The following TOGARAM1 variants were observed in gnomAD, a reference collection of about 807,000 sequenced individuals.
TOGARAM1 encodes TOG array regulator of axonemal microtubules protein 1.
In TOGARAM1, 100 loss-of-function variants were observed where a neutral mutation model predicts 166.6. The observed-to-expected ratio is 0.60, with a 90% CI of 0.51 to 0.71. The LOEUF (loss-of-function observed/expected upper bound fraction) is 0.71. TOGARAM1 is among the 30% of genes least tolerant of loss of function. The pLI is 0.00. For missense variants in TOGARAM1, 2,029 were observed against 2,102.7 expected (o/e 0.96, Z 0.69); for synonymous variants, 758 against 763.8 (o/e 0.99, Z 0.13).
chr14:45,062,679 A>T (rs564047224), intron 16 of TOGARAM1, among the ~76,000 whole-genome samples: 9 of 152,216 alleles, frequency 5.9e-5, no homozygotes, highest in African/African-American at 1.9e-4. Flanking sequence ...CACTTTCAGT[A>T]TAATATTCAA....
At chr14:44,983,558 G>C (rs546850665) in intron 1 of TOGARAM1, among the ~76,000 whole-genome samples, 1 of 152,200 alleles carries the variant, frequency 6.6e-6, no homozygotes, top group South Asian at 2.1e-4. Flanking sequence ...TGAGAACAAG[G>C]CTTCCAGATT....
intron 1 of TOGARAM1, among the ~76,000 whole-genome samples, chr14:44,977,383 C>G (rs1221535109): frequency 6.6e-6 from 1 of 150,402 alleles, no homozygotes; most frequent in African/African-American, 2.4e-5. Flanking sequence ...TACAGGCACC[C>G]GCCACCATGC....
At chr14:45,002,964 G>A (rs557663885) in intron 3 of TOGARAM1, among the ~76,000 whole-genome samples, 1 of 152,176 alleles carries the variant, frequency 6.6e-6, no homozygotes, top group South Asian at 2.1e-4. Context: ...GGGCGACAGA[G>A]CGAGACTCCA....
Position 45,068,475 on chromosome 14 carries a change from C to T in TOGARAM1, c.4801C>T (p.Leu1601=). 6.2e-7 allele frequency: 1 copy of T among 1,612,732 alleles called. No individual in the cohort carries two copies. Among genetic ancestry groups the T allele is most frequent in the Non-Finnish European group, 8.5e-7 (1 of 1,179,330 alleles). Residue 1601 remains leucine, a synonymous_variant, in exon 18 of 20, where the codon CTG becomes TTG. Coordinates refer to ENST00000361462, the MANE Select transcript of TOGARAM1 (RefSeq NM_001308120.2). ...RLHDSNSKVN[L]VALETMHKMI... ...TCATGATTCTAATAGTAAAGTAAAT[C>T]TGGTGGCTCTGGAAACAATGCACAA...
At chr14:45,025,687 T>G in intron 7 of TOGARAM1, 96 bp from the exon 8 acceptor site, 1 of 639,162 alleles carries the variant, frequency 1.6e-6, no homozygotes, top group Non-Finnish European at 2.7e-6. Context: ...ATGAAATAAA[T>G]TTTCAGTTTT....
intron 11 of TOGARAM1, among the ~76,000 whole-genome samples, chr14:45,033,528 C>G (rs1400049704): frequency 6.6e-6 from 1 of 152,172 alleles, no homozygotes; most frequent in Non-Finnish European, 1.5e-5. Flanking sequence ...AAACTTTACT[C>G]ATTAAAAAAA....
intron 1 of TOGARAM1, among the ~76,000 whole-genome samples, chr14:44,983,924 G>A (rs986414339): frequency 6.6e-6 from 1 of 152,302 alleles, no homozygotes; most frequent in African/African-American, 2.4e-5. Flanking sequence ...TTGGCAACAG[G>A]ATATTTTACA....
chr14:45,014,777 C>T (rs528730197), intron 7 of TOGARAM1, among the ~76,000 whole-genome samples: 25 of 152,268 alleles, frequency 1.6e-4, no homozygotes, highest in African/African-American at 5.8e-4. Flanking sequence ...AACATTTCCA[C>T]CCAAAGCCAG....
At chr14:45,045,081 TCCCTCGGGC>T (rs1254166335) in intron 13 of TOGARAM1, among the ~76,000 whole-genome samples, 3 of 152,198 alleles carry the variant, frequency 2.0e-5, no homozygotes, top group African/African-American at 7.2e-5. Context: ...ACTTCTTTTG[TCCCTCGGGC>T]ACCTTGCAAA....
intron 1 of TOGARAM1, among the ~76,000 whole-genome samples, chr14:44,966,669 G>A (rs1885558661): frequency 6.6e-6 from 1 of 151,836 alleles, no homozygotes; most frequent in Non-Finnish European, 1.5e-5. Context: ...GCTGGCTCCT[G>A]TGTCCTTTTA....
At chr14:44,965,427 G>C (rs1008666416) in intron 1 of TOGARAM1, among the ~76,000 whole-genome samples, 10 of 152,014 alleles carry the variant, frequency 6.6e-5, no homozygotes, top group Non-Finnish European at 1.3e-4. Context: ...TATCCTACTT[G>C]TTTGTTTCTT....
chr14:45,067,687 G>T (rs1466656297), intron 17 of TOGARAM1, among the ~76,000 whole-genome samples: 1 of 152,066 alleles, frequency 6.6e-6, no homozygotes, highest in Non-Finnish European at 1.5e-5. Context: ...ATGGGAGCCA[G>T]AAAGTTATAT....
intron 14 of TOGARAM1, among the ~76,000 whole-genome samples, chr14:45,047,391 CAAA>C (rs534465853): frequency 2.3e-5 from 2 of 85,638 alleles, no homozygotes; most frequent in African/African-American, 4.3e-5. Flanking sequence ...GACTCTGTCT[CAAA>C]AAAAAAAAAA....
intron 16 of TOGARAM1, among the ~76,000 whole-genome samples, chr14:45,062,480 G>A (rs1398287229): frequency 3.3e-5 from 5 of 151,942 alleles, no homozygotes; most frequent in South Asian, 4.1e-4. Context: ...ACAGTGTTAC[G>A]GAGACGTAAT....
Position 44,962,987 on chromosome 14 carries a change from G to T in TOGARAM1, c.566G>T (p.Arg189Leu), listed in dbSNP as rs1442031740. 6.2e-7 allele frequency: 1 copy of T among 1,614,146 alleles called. No homozygotes were observed. Among genetic ancestry groups the T allele is most frequent in the South Asian group, 1.1e-5 (1 of 91,074 alleles). The change falls in exon 1 of 20, where the codon CGG becomes CTG. Residue 189 changes from arginine (R) to leucine (L), a missense_variant. By Grantham distance (102) the Arg-to-Leu change is moderately radical (BLOSUM62 -2). Transcript: ENST00000361462. ...TTGCCTCAACTAGTTGTCTCGTTAC[G>T]GGAAGAGAATCCAGCCCTGCGGAAA... ...ALLPQLVVSL[R>L]EENPALRKDA...
intron 9 of TOGARAM1, among the ~76,000 whole-genome samples, chr14:45,027,960 G>A (rs1033692122): frequency 2.6e-5 from 4 of 151,722 alleles, no homozygotes; most frequent in African/African-American, 9.7e-5. Flanking sequence ...TTCTTATCCT[G>A]GGGATAAAGT....
chr14:45,047,126 T>C (rs1354146449), intron 14 of TOGARAM1, among the ~76,000 whole-genome samples: 1 of 152,126 alleles, frequency 6.6e-6, no homozygotes, highest in Non-Finnish European at 1.5e-5. Context: ...TCGTGGTGGC[T>C]CACGCCTGTA....
chr14:45,014,664 A>G (rs1049182403), intron 7 of TOGARAM1, among the ~76,000 whole-genome samples: 1 of 152,172 alleles, frequency 6.6e-6, no homozygotes, highest in African/African-American at 2.4e-5. Context: ...AATTCCACCT[A>G]TGTTCTGCCA....
chr14:45,024,444 G>GA (rs76441276), intron 7 of TOGARAM1, among the ~76,000 whole-genome samples: 24,024 of 152,028 alleles, frequency 0.16, 3,527 homozygotes, highest in African/African-American at 0.39. Context: ...ATTTCTTTAA[G>GA]AAAAATATAG....
Sources: allele counts gnomAD v4.1 joint callset (sites outside exome capture counted in the v4.1 genomes callset), GRCh38; gene constraint gnomAD v4.1.1; transcripts MANE v1.5; gene names NCBI Gene and HGNC (gene_info 2026-07-23, HGNC 2026-07-21).